The following RBFOX1 variants were observed in gnomAD, a reference collection of about 807,000 sequenced individuals.
RBFOX1 encodes RNA binding fox-1 homolog 1, also known as RNA binding protein fox-1 homolog 1.
Under a neutral mutation model 57.7 loss-of-function variants are expected in RBFOX1, and 8 were observed. That is an observed-to-expected ratio of 0.14 (90% CI 0.08 to 0.25). The LOEUF is 0.25. Ranked by LOEUF, RBFOX1 falls within the 10% of genes least tolerant of loss-of-function variation. The pLI, the probability that RBFOX1 is intolerant of heterozygous loss-of-function variation, is 1.00. For synonymous variants in RBFOX1, 326 were observed against 222.4 expected, an observed-to-expected ratio of 1.47 and a Z score of -4.15; for missense variants, 611 against 548.5, an observed-to-expected ratio of 1.11 and a Z score of -1.14.
chr16:6,967,892 C>G (rs1214913259), intron 3 of RBFOX1, among the ~76,000 whole-genome samples: 3 of 152,134 alleles, frequency 2.0e-5, no homozygotes, highest in Non-Finnish European at 2.9e-5. Flanking sequence ...AAAGATGCCC[C>G]AAATCACTGC....
intron 4 of RBFOX1, among the ~76,000 whole-genome samples, chr16:7,319,714 C>G (rs1299313502): frequency 2.6e-5 from 4 of 152,168 alleles, no homozygotes; most frequent in Non-Finnish European, 5.9e-5. Context: ...GCAATTACAT[C>G]AACATCCTTG....
intron 11 of RBFOX1, among the ~76,000 whole-genome samples, chr16:7,644,810 G>A (rs888674250): frequency 1.3e-5 from 2 of 152,282 alleles, no homozygotes; most frequent in Admixed American, 1.3e-4. Flanking sequence ...GATGGTAACT[G>A]GTAACAGTTG....
At chr16:6,244,771 G>T (rs999089914) in intron 1 of RBFOX1, among the ~76,000 whole-genome samples, 1 of 152,148 alleles carries the variant, frequency 6.6e-6, no homozygotes. Context: ...ACCTCCCAAA[G>T]TGCTGGGATT....
At chr16:7,329,339 A>G (rs1029932437) in intron 4 of RBFOX1, among the ~76,000 whole-genome samples, 1 of 152,132 alleles carries the variant, frequency 6.6e-6, no homozygotes, top group East Asian at 1.9e-4. Context: ...AAGTTCCTGC[A>G]TTACACCGTG....
At chr16:6,009,816 C>CTGTGTGTGTCTG (rs1555469439) in intron 4 of RBFOX1, among the ~76,000 whole-genome samples, 1 of 148,418 alleles carries the variant, frequency 6.7e-6, no homozygotes, top group African/African-American at 2.5e-5. Flanking sequence ...GTGTGTGTGT[C>CTGTGTGTGTCTG]TGTGTGTGTG....
Position 6,259,191 on chromosome 16 carries a change from C to G in RBFOX1, c.-126-57804C>G, listed in dbSNP as rs186842343. ...ATACAAGCCTAGCTTAGAAGATCAC[C>G]CATTGCTTATTTACTCAGATTGTTA... On this transcript the variant is annotated intron_variant, in intron 1 of 15. Transcript: ENST00000550418. Among the ~76,000 whole-genome samples the G allele has an allele frequency of 1.1e-3, 172 of 152,234 alleles. 1 individual carries two copies. Among genetic ancestry groups the G allele is most frequent in the African/African-American group, 3.6e-3 (148 of 41,556 alleles).
At chr16:7,632,337 C>T (rs2061108353) in intron 11 of RBFOX1, among the ~76,000 whole-genome samples, 1 of 152,168 alleles carries the variant, frequency 6.6e-6, no homozygotes, top group South Asian at 2.1e-4. Context: ...ACAACAAATT[C>T]AGAAGGGCCT....
At chr16:7,079,675 A>G (rs1449693825) in intron 4 of RBFOX1, among the ~76,000 whole-genome samples, 2 of 152,130 alleles carry the variant, frequency 1.3e-5, no homozygotes, top group Non-Finnish European at 2.9e-5. Context: ...TGAAAAGTAA[A>G]CATTTTCCTG....
chr16:6,016,269 G>T (rs1460621913), upstream of RBFOX1, among the ~76,000 whole-genome samples: 1 of 151,888 alleles, frequency 6.6e-6, no homozygotes, highest in East Asian at 1.9e-4. Context: ...ATGGGGGGCT[G>T]GGTAGGGAGT....
chr16:5,354,755 C>T (rs574122202), intron 1 of RBFOX1, among the ~76,000 whole-genome samples: 54 of 149,876 alleles, frequency 3.6e-4, no homozygotes, highest in African/African-American at 1.2e-3. Context: ...TTATTCATTT[C>T]GAAGGTACCA....
chr16:5,404,453 T>C (rs489923), intron 1 of RBFOX1, among the ~76,000 whole-genome samples: 26,424 of 152,154 alleles, frequency 0.17, 2,427 homozygotes, highest in African/African-American at 0.22. Flanking sequence ...TAGAGAAAGT[T>C]TCTCCCGATC....
At chr16:7,707,991 G>T (rs184733911) in intron 14 of RBFOX1, among the ~76,000 whole-genome samples, 202 of 152,248 alleles carry the variant, frequency 1.3e-3, no homozygotes, top group Middle Eastern at 3.4e-3. Context: ...ATCTGGCAGG[G>T]CAAACAAGTA....
At chr16:7,183,423 C>G (rs1413269726) in intron 4 of RBFOX1, among the ~76,000 whole-genome samples, 3 of 152,286 alleles carry the variant, frequency 2.0e-5, no homozygotes, top group South Asian at 2.1e-4. Context: ...ATGAAAGTAT[C>G]CTGAACGAAA....
intron 4 of RBFOX1, among the ~76,000 whole-genome samples, chr16:7,277,820 A>T (rs1046387638): frequency 1.3e-5 from 2 of 152,200 alleles, no homozygotes; most frequent in African/African-American, 4.8e-5. Context: ...CATATTAGTT[A>T]ACATAAGAAT....
intron 4 of RBFOX1, among the ~76,000 whole-genome samples, chr16:5,995,030 C>G (rs776694660): frequency 6.6e-6 from 1 of 152,178 alleles, no homozygotes; most frequent in Non-Finnish European, 1.5e-5. Flanking sequence ...TTTTTTTCCC[C>G]TTTCCTACAA....
chr16:6,713,758 A>G (rs923710240), intron 3 of RBFOX1, among the ~76,000 whole-genome samples: 1 of 151,926 alleles, frequency 6.6e-6, no homozygotes, highest in Admixed American at 6.6e-5. Context: ...ATGGCTGGCA[A>G]CTCCTGCTCA....
chr16:6,063,543 T>C (rs775619040), intron 1 of RBFOX1, among the ~76,000 whole-genome samples: 5 of 151,204 alleles, frequency 3.3e-5, no homozygotes, highest in Admixed American at 6.6e-5. Context: ...TCCTCACTGA[T>C]CATATTGTTC....
intron 4 of RBFOX1, among the ~76,000 whole-genome samples, chr16:7,054,173 C>G (rs1300254702): frequency 8.4e-6 from 1 of 119,578 alleles, no homozygotes. Context: ...CTTCCATCAC[C>G]TCAAAAGAAA....
downstream of RBFOX1, chr16:5,601,543 G>C (rs1050639990): frequency 3.9e-5 from 6 of 152,172 alleles, no homozygotes; most frequent in Non-Finnish European, 5.9e-5. Flanking sequence ...CCATACAAGG[G>C]CACGAGTACC....
Sources: allele counts gnomAD v4.1 joint callset (sites outside exome capture counted in the v4.1 genomes callset), GRCh38; gene constraint gnomAD v4.1.1; transcripts MANE v1.5; gene names NCBI Gene and HGNC (gene_info 2026-07-23, HGNC 2026-07-21).